The following L3MBTL4 variants were observed in gnomAD, a reference collection of about 807,000 sequenced individuals.
L3MBTL4 encodes the protein L3MBTL histone methyl-lysine binding protein 4.
Under a neutral mutation model 84.5 loss-of-function variants are expected in L3MBTL4, and 70 were observed. The ratio of observed to expected loss-of-function variants is 0.83; its 90% CI spans 0.68 to 1.01. The LOEUF is 1.01. L3MBTL4 is among the 50% of genes least tolerant of loss of function. L3MBTL4 has a pLI of 0.00. For synonymous variants in L3MBTL4, 274 were observed against 259.8 expected, an observed-to-expected ratio of 1.05 and a Z score of -0.52; for missense variants, 715 against 754.8, an observed-to-expected ratio of 0.95 and a Z score of 0.62.
chr18:6,294,719 C>A (rs553681573), intron 4 of L3MBTL4, among the ~76,000 whole-genome samples: 2,094 of 120,238 alleles, frequency 0.017, 57 homozygotes, highest in African/African-American at 0.061. Context: ...TCAATCAAAA[C>A]AAAACAAAAC....
intron 16 of L3MBTL4, among the ~76,000 whole-genome samples, chr18:6,076,073 A>G (rs2057846901): frequency 6.6e-6 from 1 of 152,228 alleles, no homozygotes; most frequent in Non-Finnish European, 1.5e-5. Flanking sequence ...CTTTGTAAAA[A>G]TATTTGACAC....
At chr18:6,125,272 T>C (rs2059654307) in intron 14 of L3MBTL4, among the ~76,000 whole-genome samples, 2 of 152,104 alleles carry the variant, frequency 1.3e-5, no homozygotes, top group East Asian at 3.8e-4. Flanking sequence ...AGAAACAAAA[T>C]ATTTAAGGCA....
chr18:6,120,090 C>T (rs1288972627), intron 14 of L3MBTL4, among the ~76,000 whole-genome samples: 1 of 152,186 alleles, frequency 6.6e-6, no homozygotes, highest in Non-Finnish European at 1.5e-5. Flanking sequence ...CCACTGAGGG[C>T]CTGAAACAGC....
intron 4 of L3MBTL4, among the ~76,000 whole-genome samples, chr18:6,286,110 G>C (rs984062620): frequency 6.6e-6 from 1 of 151,634 alleles, no homozygotes; most frequent in Admixed American, 6.6e-5. Context: ...GATTAAAGGC[G>C]TGAGCCACCA....
At chr18:6,413,030 A>G (rs1461385216) in intron 1 of L3MBTL4, among the ~76,000 whole-genome samples, 1 of 152,148 alleles carries the variant, frequency 6.6e-6, no homozygotes, top group Non-Finnish European at 1.5e-5. Context: ...GGCTGCAGTG[A>G]GCCATGATGG....
intron 1 of L3MBTL4, among the ~76,000 whole-genome samples, chr18:6,386,939 C>T (rs1373528487): frequency 6.6e-6 from 1 of 152,104 alleles, no homozygotes; most frequent in Non-Finnish European, 1.5e-5. Flanking sequence ...AACAGGGAGG[C>T]CACTGAAGAG....
intron 14 of L3MBTL4, among the ~76,000 whole-genome samples, chr18:6,132,215 G>C (rs2059897502): frequency 6.6e-6 from 1 of 152,096 alleles, no homozygotes; most frequent in Non-Finnish European, 1.5e-5. Context: ...AAGTTAAAAT[G>C]TATTTACCTG....
chr18:5,987,443 G>C (rs147150038), intron 16 of L3MBTL4, among the ~76,000 whole-genome samples: 2 of 152,346 alleles, frequency 1.3e-5, no homozygotes, highest in African/African-American at 2.4e-5. Flanking sequence ...ACAGACCCGT[G>C]GCCACGTGTG....
At chr18:6,009,109 TA>T (rs2054619055) in intron 16 of L3MBTL4, among the ~76,000 whole-genome samples, 1 of 152,134 alleles carries the variant, frequency 6.6e-6, no homozygotes, top group Non-Finnish European at 1.5e-5. Flanking sequence ...TGACCTTGGC[TA>T]GGGGTGGCAA....
chr18:6,300,130 C>A (rs549099631), intron 4 of L3MBTL4, among the ~76,000 whole-genome samples: 2 of 152,208 alleles, frequency 1.3e-5, no homozygotes, highest in East Asian at 3.9e-4. Flanking sequence ...CAATAAAAAA[C>A]TAAACTATTT....
intron 16 of L3MBTL4, among the ~76,000 whole-genome samples, chr18:6,008,734 C>G (rs1038534164): frequency 9.2e-5 from 14 of 152,194 alleles, no homozygotes; most frequent in African/African-American, 3.4e-4. Context: ...CAGAGTATCA[C>G]GGGTTTGGAT....
intron 13 of L3MBTL4, among the ~76,000 whole-genome samples, chr18:6,155,876 A>G (rs925768397): frequency 1.3e-5 from 2 of 152,328 alleles, no homozygotes; most frequent in African/African-American, 4.8e-5. Context: ...TAATGTTTAC[A>G]TTAAAAATAC....
chr18:6,303,065 A>C (rs1465939279), intron 3 of L3MBTL4, among the ~76,000 whole-genome samples: 1 of 152,220 alleles, frequency 6.6e-6, no homozygotes, highest in Non-Finnish European at 1.5e-5. Flanking sequence ...TTTTAAATGA[A>C]GGGTTTCAAG....
At chr18:6,168,275 C>A (rs1284206152) in intron 13 of L3MBTL4, among the ~76,000 whole-genome samples, 5 of 152,116 alleles carry the variant, frequency 3.3e-5, no homozygotes, top group Admixed American at 6.5e-5. Flanking sequence ...AGATTCAATG[C>A]CATCCCCATC....
At chr18:5,977,780 T>C (rs1047691845) in intron 16 of L3MBTL4, among the ~76,000 whole-genome samples, 2 of 152,166 alleles carry the variant, frequency 1.3e-5, no homozygotes, top group Non-Finnish European at 2.9e-5. Context: ...ACAGGCCCTG[T>C]CCAGAGCACT....
chr18:6,175,572 G>A (rs1182348302), intron 12 of L3MBTL4, among the ~76,000 whole-genome samples: 3 of 152,108 alleles, frequency 2.0e-5, no homozygotes, highest in African/African-American at 7.2e-5. Flanking sequence ...TTACACCACA[G>A]AAGAAGAAGA....
intron 16 of L3MBTL4, among the ~76,000 whole-genome samples, chr18:6,054,477 C>T (rs1472354947): frequency 6.6e-6 from 1 of 152,204 alleles, no homozygotes; most frequent in Non-Finnish European, 1.5e-5. Context: ...AGTACTCTTA[C>T]TGCCAGTGAA....
At chr18:6,390,953 A>T (rs192959322) in intron 1 of L3MBTL4, among the ~76,000 whole-genome samples, 1 of 152,330 alleles carries the variant, frequency 6.6e-6, no homozygotes. Context: ...AAGATTGAGA[A>T]AAAGGGAATC....
chr18:6,239,168 T>C (rs917068890), intron 9 of L3MBTL4, among the ~76,000 whole-genome samples: 29 of 151,632 alleles, frequency 1.9e-4, no homozygotes, highest in Admixed American at 5.9e-4. Context: ...GGTGAAACCC[T>C]GTCTCTACTA....
Sources: allele counts gnomAD v4.1 joint callset (sites outside exome capture counted in the v4.1 genomes callset), GRCh38; gene constraint gnomAD v4.1.1; transcripts MANE v1.5; gene names NCBI Gene and HGNC (gene_info 2026-07-23, HGNC 2026-07-21).